The following ZNF155 variants were observed in gnomAD, a reference collection of about 807,000 sequenced individuals.
ZNF155 encodes zinc finger protein 155, also known as KRAB A domain.
In ZNF155, 15 loss-of-function variants were observed where a neutral mutation model predicts 11.9. The ratio of observed to expected loss-of-function variants is 1.26; its 90% CI spans 0.84 to 1.94. The LOEUF is 1.94. Among genes scored for constraint, ZNF155 ranks in the 30% most tolerant of loss-of-function variants. ZNF155 has a pLI of 0.00. For synonymous variants in ZNF155, 212 were observed against 219.9 expected (o/e 0.96, Z 0.32); for missense variants, 602 against 639.1 (o/e 0.94, Z 0.63).
chr19:43,986,210 T>C (rs16976959), intron 1 of ZNF155, among the ~76,000 whole-genome samples: 3,982 of 152,320 alleles, frequency 0.026, 129 homozygotes, highest in African/African-American at 0.077. Flanking sequence ...GAATCCAAGA[T>C]GTGAAGGTGC....
Position 43,997,407 on chromosome 19 carries a change from G to T in ZNF155, c.1550G>T (p.Cys517Phe). The change falls in exon 5 of 5, where the codon TGT becomes TTT. Residue 517 changes from cysteine (C) to phenylalanine (F), a missense_variant. By Grantham distance (205) the Cys-to-Phe change is radical. Coordinates refer to ENST00000270014, the MANE Select transcript of ZNF155 (RefSeq NM_198089.3). ...GAAAACCCATCCAAATGTGAGGATT[G>T]TGGGAGACGCTACAAGAGGCGCTTG... ...SGENPSKCEDCGRRYKRRLNL... is the reference protein window; with the variant it reads ...SGENPSKCEDFGRRYKRRLNL... The T allele has an allele frequency of 6.2e-7, 1 of 1,612,132 alleles. No individual in the cohort carries two copies. Among genetic ancestry groups the T allele is most frequent in the South Asian group, 1.1e-5 (1 of 90,784 alleles).
Position 43,996,995 on chromosome 19 carries a change from A to G in ZNF155, c.1138A>G (p.Ser380Gly). The G allele has an allele frequency of 6.2e-7, 1 of 1,614,194 alleles. No homozygotes were observed. Among genetic ancestry groups the G allele is most frequent in the Non-Finnish European group, 8.5e-7 (1 of 1,180,014 alleles). The stretch of plus-strand genomic sequence containing the variant: ...ATATAATTGTAAAGAATGTGGGAAG[A>G]GCTTCAGATGGTCCTCATGCCTTTT... ...KPYNCKECGKSFRWSSCLLNH... is the reference protein window; with the variant it reads ...KPYNCKECGKGFRWSSCLLNH... The change falls in exon 5 of 5, where the codon AGC (serine) becomes GGC (glycine). Residue 380 changes from serine (S) to glycine (G), a missense_variant. Coordinates refer to ENST00000270014, the MANE Select transcript of ZNF155 (RefSeq NM_198089.3).
chr19:43,988,340 G>A, intron 1 of ZNF155, 119 bp from the exon 2 acceptor site: 1 of 418,686 alleles, frequency 2.4e-6, no homozygotes, highest in Non-Finnish European at 4.3e-6. Context: ...ACCACCATTT[G>A]CCTATCCATT....
chr19:43,996,903 G>A lies in ZNF155; in HGVS notation c.1046G>A (p.Cys349Tyr). 6.2e-7 allele frequency: 1 copy of A among 1,614,152 alleles called. No homozygotes were observed. The highest frequency in any genetic ancestry group is 1.7e-5 in the Admixed American group (1 of 60,022). Residue 349 changes from cysteine (C) to tyrosine (Y), a missense_variant, in exon 5 of 5, where the codon TGT becomes TAT. By Grantham distance (194) the Cys-to-Tyr change is radical. Transcript: ENST00000270014. ...GAGAAACCGTACAGATGTGAGCAGT[G>A]TGGAAAAGGCTTTATTGGTAGGCTA... ...TGEKPYRCEQ[C>Y]GKGFIGRLDF...
chr19:43,992,900 C>T (rs963485559), intron 4 of ZNF155, among the ~76,000 whole-genome samples: 4 of 152,218 alleles, frequency 2.6e-5, no homozygotes, highest in Non-Finnish European at 4.4e-5. Flanking sequence ...ACCCACGTCC[C>T]GTGGAAACTT....
chr19:43,992,475 C>T (rs1975699639), intron 4 of ZNF155, among the ~76,000 whole-genome samples: 1 of 152,212 alleles, frequency 6.6e-6, no homozygotes, highest in South Asian at 2.1e-4. Context: ...TTGTTTCTGC[C>T]TGAATGTTCT....
At chr19:43,994,880 T>C (rs1228679768) in intron 4 of ZNF155, among the ~76,000 whole-genome samples, 1 of 152,200 alleles carries the variant, frequency 6.6e-6, no homozygotes, top group Non-Finnish European at 1.5e-5. Context: ...AGCTCCACCT[T>C]AAATCACATT....
intron 1 of ZNF155, among the ~76,000 whole-genome samples, chr19:43,987,682 G>A (rs780807376): frequency 6.6e-6 from 1 of 152,136 alleles, no homozygotes; most frequent in Non-Finnish European, 1.5e-5. Flanking sequence ...TTCTTCTGGG[G>A]AGATACATTA....
chr19:43,990,950 T>C (rs984621470), intron 2 of ZNF155, among the ~76,000 whole-genome samples: 4 of 152,086 alleles, frequency 2.6e-5, no homozygotes, highest in African/African-American at 9.7e-5. Context: ...GTTATATACC[T>C]CCGGGGCAAT....
At chr19:43,984,722 A>G (rs1008390406) in intron 1 of ZNF155, among the ~76,000 whole-genome samples, 3 of 152,104 alleles carry the variant, frequency 2.0e-5, no homozygotes, top group Non-Finnish European at 4.4e-5. Flanking sequence ...GTGTCCTGTT[A>G]ATTTCCCGCG....
chr19:43,991,279 A>T (rs181644845), intron 2 of ZNF155, among the ~76,000 whole-genome samples: 19 of 152,298 alleles, frequency 1.2e-4, no homozygotes, highest in Admixed American at 2.0e-4. Context: ...TGCAGCATGT[A>T]GAGTCCTAGA....
rs1975936405 is a variant in ZNF155 at position 43,997,324 on chromosome 19, TG to T, written c.1469del (p.Gly490GlufsTer36). ...AAAAACCATTCAAATGTGAGGACTG[TG>T]GAAAGAGGCTTGTACACAGGACATA... ...QKKPFKCEDCGKRLVHRTYRK... is the reference protein window; with the variant it reads ...QKKPFKCEDCXKRLVHRTYRK... On this transcript the variant is annotated frameshift_variant, in exon 5 of 5. Transcript: ENST00000270014. LOFTEE classifies it low-confidence loss of function (END_TRUNC). 1.1e-5 allele frequency: 17 copies of T among 1,613,994 alleles called. No homozygotes were observed. In the East Asian group the frequency reaches 3.8e-4, roughly 36 times the overall value.
intron 2 of ZNF155, among the ~76,000 whole-genome samples, chr19:43,989,377 A>T (rs956207322): frequency 2.6e-5 from 4 of 152,096 alleles, no homozygotes; most frequent in African/African-American, 9.7e-5. Flanking sequence ...AAGTTTTGCC[A>T]ATCACTTGTG....
intron 4 of ZNF155, 28 bp from the exon 5 acceptor site, chr19:43,996,065 C>G: frequency 6.4e-7 from 1 of 1,566,308 alleles, no homozygotes; most frequent in Non-Finnish European, 8.6e-7. Flanking sequence ...TTCACCTGTA[C>G]ACATCTCTTA....
intron 2 of ZNF155, chr19:43,990,089 G>T (rs1026857227): frequency 2.5e-5 from 38 of 1,524,578 alleles, no homozygotes; most frequent in Non-Finnish European, 3.0e-5. Context: ...CAAAGTACTT[G>T]TATTCTGTTC....
At chr19:43,993,810 C>T (rs2147392912) in intron 4 of ZNF155, among the ~76,000 whole-genome samples, 1 of 152,336 alleles carries the variant, frequency 6.6e-6, no homozygotes, top group East Asian at 1.9e-4. Flanking sequence ...TTCCAAGATT[C>T]AACCTCTGCA....
Position 43,990,218 on chromosome 19 carries a change from TGA to T in ZNF155, c.16-1324_16-1323del, listed in dbSNP as rs913213124. 1.5e-5 allele frequency: 10 copies of T among 661,048 alleles called. No individual in the cohort carries two copies. In the African/African-American group the frequency reaches 1.9e-4, roughly 13 times the overall value. 40.9% of individuals were successfully genotyped at this position (661,048 alleles called of 1,614,324 possible). A position where few individuals can be genotyped will look rare whatever the true frequency, so the allele number is the denominator to read the frequency against. ...CATTTGAAATTATTATTTTAAACAA[TGA>T]GAGAGTAAGATGTTCTTACATCTTG... On this transcript the variant is annotated intron_variant, in intron 2 of 4. Transcript: ENST00000270014.
intron 4 of ZNF155, among the ~76,000 whole-genome samples, chr19:43,993,593 T>C (rs1975737276): frequency 6.6e-6 from 1 of 152,096 alleles, no homozygotes; most frequent in African/African-American, 2.4e-5. Context: ...TTTGTATTTT[T>C]AGTAGAGATG....
intron 4 of ZNF155, among the ~76,000 whole-genome samples, chr19:43,995,594 G>A (rs1975822051): frequency 6.6e-6 from 1 of 151,972 alleles, no homozygotes; most frequent in Admixed American, 6.6e-5. Flanking sequence ...ATATTGCCCA[G>A]GCTGGTCTCG....
Sources: gnomAD v4.1 joint callset for allele counts (sites outside exome capture counted in the v4.1 genomes callset) on GRCh38, gnomAD v4.1.1 for gene constraint, MANE v1.5 for transcripts, NCBI Gene and HGNC (gene_info 2026-07-23, HGNC 2026-07-21) for gene names.